Variants in ARHGAP6 observed in about 807,000 individuals in gnomAD.
ARHGAP6 encodes the protein Rho GTPase activating protein 6.
ARHGAP6 carries 16 observed loss-of-function variants against 55.7 expected under a neutral mutation model. The ratio of observed to expected loss-of-function variants is 0.29; its 90% CI spans 0.19 to 0.44. The LOEUF is 0.44. Ranked by LOEUF, ARHGAP6 falls within the 20% of genes least tolerant of loss-of-function variation. The pLI is 1.00. For synonymous variants in ARHGAP6, 382 were observed against 360.9 expected (o/e 1.06, Z -0.66); for missense variants, 698 against 808.9 (o/e 0.86, Z 1.66).
intron 1 of ARHGAP6, among the ~76,000 whole-genome samples, chrX:11,633,891 T>C (rs536535289): frequency 1.8e-5 from 2 of 111,720 alleles, no homozygotes; most frequent in African/African-American, 6.5e-5. Context: ...TCTCAGTAAG[T>C]TGCTTTTTGC....
chrX:11,220,723 A>C (rs2046956826), intron 2 of ARHGAP6, among the ~76,000 whole-genome samples: 1 of 110,362 alleles, frequency 9.1e-6, no homozygotes, highest in Non-Finnish European at 1.9e-5. Flanking sequence ...AACTGCATCG[A>C]CTAACAAGCA....
chrX:11,649,977 T>C (rs897983034), intron 1 of ARHGAP6, among the ~76,000 whole-genome samples: 3 of 107,843 alleles, frequency 2.8e-5, no homozygotes, highest in African/African-American at 1.0e-4. Flanking sequence ...TTCTTGACCA[T>C]TCAACTTTCT....
chrX:11,290,860 G>A (rs1344305414), intron 1 of ARHGAP6, among the ~76,000 whole-genome samples: 1 of 111,840 alleles, frequency 8.9e-6, no homozygotes, highest in Non-Finnish European at 1.9e-5. Context: ...TTTCTCACAG[G>A]CGAGGCCCTC....
intron 1 of ARHGAP6, among the ~76,000 whole-genome samples, chrX:11,504,525 A>G (rs1160398801): frequency 1.8e-5 from 2 of 112,179 alleles, no homozygotes; most frequent in Non-Finnish European, 3.8e-5. Flanking sequence ...ATATAAATAA[A>G]TATTGTAGAA....
chrX:11,518,231 C>A (rs1040598532), intron 1 of ARHGAP6, among the ~76,000 whole-genome samples: 3 of 110,213 alleles, frequency 2.7e-5, no homozygotes, highest in Non-Finnish European at 5.7e-5. Flanking sequence ...GCCTTGAACT[C>A]CTGGGATCAC....
chrX:11,192,584 G>A (rs1006387883), intron 3 of ARHGAP6, among the ~76,000 whole-genome samples: 2 of 112,326 alleles, frequency 1.8e-5, no homozygotes, highest in East Asian at 5.6e-4. Flanking sequence ...TATTTAATGT[G>A]GAGCAAAATT....
chrX:11,487,406 C>A (rs971557764), intron 1 of ARHGAP6, among the ~76,000 whole-genome samples: 33 of 111,513 alleles, frequency 3.0e-4, no homozygotes, highest in Middle Eastern at 4.6e-3. Context: ...GGCCAGAAAT[C>A]AAGGAAGTAT....
chrX:11,463,899 G>A (rs1187879836), intron 1 of ARHGAP6, among the ~76,000 whole-genome samples: 2 of 112,317 alleles, frequency 1.8e-5, no homozygotes, highest in South Asian at 7.4e-4. Flanking sequence ...GGCTGCCAAA[G>A]CAACAGCCAT....
At chrX:11,366,230 T>C (rs1473933108) in intron 1 of ARHGAP6, among the ~76,000 whole-genome samples, 1 of 112,052 alleles carries the variant, frequency 8.9e-6, no homozygotes, top group Non-Finnish European at 1.9e-5. Flanking sequence ...TGAAGAAATG[T>C]GTAAGTGGCA....
At chrX:11,403,956 G>C (rs1013216257) in intron 1 of ARHGAP6, among the ~76,000 whole-genome samples, 1 of 112,345 alleles carries the variant, frequency 8.9e-6, no homozygotes, top group African/African-American at 3.2e-5. Flanking sequence ...TGAATATCCT[G>C]TAATGTTTCA....
chrX:11,657,208 T>G lies in ARHGAP6; in HGVS notation c.588+7033A>C, dbSNP rs965764907. 2.7e-5 allele frequency among the ~76,000 whole-genome samples: 3 copies of G among 110,400 alleles called. No individual in the cohort carries two copies. The Admixed American group carries it at 2.9e-4, about 11-fold the overall frequency. On this transcript the variant is annotated intron_variant, in intron 1 of 12. Transcript: ENST00000337414. ...GGTTTTCAATCAGGGGTTAACATGA[T>G]TACAATTGCATCTTTTGAGGATAAG...
At chrX:11,470,456 A>G (rs982812888) in intron 1 of ARHGAP6, among the ~76,000 whole-genome samples, 1 of 111,584 alleles carries the variant, frequency 9.0e-6, no homozygotes, top group African/African-American at 3.3e-5. Context: ...CAAAACAAAC[A>G]CTCCATTTGC....
At position 11,296,514 on chromosome X, in the gene ARHGAP6, G is replaced by A. The variant is rs5979395; in HGVS notation, c.589-41807C>T. Among the ~76,000 whole-genome samples, 22,783 of 110,964 alleles carry A rather than the reference G, an allele frequency of 0.21. 1,802 individuals carry two copies. The highest frequency in any genetic ancestry group is 0.32 in the Middle Eastern group (67 of 212). ...GCTGGTTTCTGCTTCCAGGTCTCCA[G>A]CCATAAGGCTATAACCCCAGGAACA... On this transcript the variant is annotated intron_variant, in intron 1 of 12. Coordinates refer to ENST00000337414, the MANE Select transcript of ARHGAP6 (RefSeq NM_013427.3).
chrX:11,518,173 G>T (rs749189867), intron 1 of ARHGAP6, among the ~76,000 whole-genome samples: 1 of 109,802 alleles, frequency 9.1e-6, no homozygotes, highest in African/African-American at 3.3e-5. Flanking sequence ...CAGGGTCTTG[G>T]TCTATCACCC....
intron 1 of ARHGAP6, among the ~76,000 whole-genome samples, chrX:11,258,608 G>GT (rs1288840471): frequency 2.2e-4 from 25 of 111,892 alleles, no homozygotes; most frequent in African/African-American, 7.8e-4. Flanking sequence ...AATAATATAT[G>GT]TTTTTTCAAA....
At chrX:11,511,384 T>C (rs1270676896) in intron 1 of ARHGAP6, among the ~76,000 whole-genome samples, 1 of 112,402 alleles carries the variant, frequency 8.9e-6, no homozygotes, top group Non-Finnish European at 1.9e-5. Context: ...CGATTGATAC[T>C]GCACCCAGAG....
chrX:11,655,345 A>G (rs1207133648), intron 1 of ARHGAP6, among the ~76,000 whole-genome samples: 4 of 112,336 alleles, frequency 3.6e-5, no homozygotes, highest in Non-Finnish European at 7.5e-5. Context: ...CTGCTATAAC[A>G]TTCATATACA....
intron 1 of ARHGAP6, among the ~76,000 whole-genome samples, chrX:11,562,621 A>G (rs2051397002): frequency 9.0e-6 from 1 of 110,631 alleles, no homozygotes; most frequent in African/African-American, 3.3e-5. Flanking sequence ...TTCAGGAATT[A>G]TTTAACTTTC....
intron 1 of ARHGAP6, among the ~76,000 whole-genome samples, chrX:11,613,928 C>T (rs5979435): frequency 0.14 from 15,644 of 111,479 alleles, 1,000 homozygotes; most frequent in Middle Eastern, 0.22. Flanking sequence ...GGCCTTTTCC[C>T]AATAACTCCA....
Sources: gnomAD v4.1 joint callset for allele counts (sites outside exome capture counted in the v4.1 genomes callset) on GRCh38, gnomAD v4.1.1 for gene constraint, MANE v1.5 for transcripts, NCBI Gene and HGNC (gene_info 2026-07-23, HGNC 2026-07-21) for gene names.